Variants in BAZ1A observed in about 807,000 individuals in gnomAD.
The protein encoded by BAZ1A is bromodomain adjacent to zinc finger domain protein 1A.
In BAZ1A, 50 loss-of-function variants were observed where a neutral mutation model predicts 185.2. The ratio of observed to expected loss-of-function variants is 0.27; its 90% CI spans 0.22 to 0.34. The LOEUF (loss-of-function observed/expected upper bound fraction) is 0.34. Ranked by LOEUF, BAZ1A falls within the 10% of genes least tolerant of loss-of-function variation. The probability of loss-of-function intolerance (pLI) is 1.00; values close to 1 mark genes in which losing one functional copy is unlikely to be tolerated. For missense variants in BAZ1A, 1,356 were observed against 1,839.9 expected, an observed-to-expected ratio of 0.74 and a Z score of 4.81; for synonymous variants, 571 against 615.6, an observed-to-expected ratio of 0.93 and a Z score of 1.07.
At chr14:34,754,417 C>CA (rs111245900) in intron 26 of BAZ1A, among the ~76,000 whole-genome samples, 13,909 of 104,552 alleles carry the variant, frequency 0.13, 1,031 homozygotes, top group South Asian at 0.21. Flanking sequence ...AGACGTATCT[C>CA]AAAAAAAAAA....
At chr14:34,825,947 G>C in intron 4 of BAZ1A, 66 bp downstream of exon 4, 4 of 1,303,060 alleles carry the variant, frequency 3.1e-6, no homozygotes, top group Non-Finnish European at 4.1e-6. Context: ...CAAAAAAAAA[G>C]TTATTTCAAT....
chr14:34,765,271 TAAATG>T lies in BAZ1A; in HGVS notation c.3302-8_3302-4del. ...AGAACGCCCACTGTCACTGGCATCT[TAAATG>T]AAAAGGGAAAGTGATTACAATTTTT... On this transcript the variant is annotated splice_polypyrimidine_tract_variant and splice_region_variant and intron_variant, in intron 21 of 26. Coordinates refer to ENST00000360310, the MANE Select transcript of BAZ1A (RefSeq NM_013448.3). 1 of 1,611,048 alleles carries T rather than the reference TAAATG, an allele frequency of 6.2e-7. No individual in the cohort carries two copies. The highest frequency in any genetic ancestry group is 8.5e-7 in the Non-Finnish European group (1 of 1,178,628).
intron 2 of BAZ1A, 76 bp from the exon 3 acceptor site, chr14:34,862,398 A>T (rs1008714718): frequency 5.4e-6 from 8 of 1,492,552 alleles, no homozygotes; most frequent in Non-Finnish European, 7.1e-6. Flanking sequence ...AACTGATAGC[A>T]TTATCAGGTT....
At position 34,787,363 on chromosome 14, in the gene BAZ1A, A is replaced by AGAAAAG. The variant is rs1555339671; in HGVS notation, c.1511-1143_1511-1142insCTTTTC. On this transcript the variant is annotated intron_variant, in intron 12 of 26. Coordinates refer to ENST00000360310, the MANE Select transcript of BAZ1A (RefSeq NM_013448.3). ...CAAGACTCTGTCTCAAAAAAAAAAA[A>AGAAAAG]AAAAAGAAAAGAAAACTTCCCAATC... Among the ~76,000 whole-genome samples, 4 of 112,796 alleles carry AGAAAAG rather than the reference A, an allele frequency of 3.5e-5. 1 individual carries two copies. Among genetic ancestry groups the AGAAAAG allele is most frequent in the Non-Finnish European group, 7.0e-5 (4 of 56,800 alleles). The allele number at this position is 112,796 out of a possible 152,430, so 74.0% of individuals were successfully genotyped here. A position where few individuals can be genotyped will look rare whatever the true frequency, so the allele number is the denominator to read the frequency against.
At chr14:34,779,996 T>C in intron 17 of BAZ1A, 190 bp downstream of exon 17, 1 of 604,094 alleles carries the variant, frequency 1.7e-6, no homozygotes, top group Non-Finnish European at 2.8e-6. Context: ...CAATCATAAA[T>C]GTACTAATAG....
At position 34,762,090 on chromosome 14, in the gene BAZ1A, T is replaced by C. The variant is rs1177402661; in HGVS notation, c.3910A>G (p.Lys1304Glu). ...YPSRSQQSTP[K>E]TTVSSKTGRS... ...CCAGTTTTAGAAGAAACAGTTGTTT[T>C]GGGTGTGCTCTGCTGACTCCTTGAA... Residue 1304 changes from lysine (K) to glutamate (E), a missense_variant, in exon 24 of 27, where the codon AAA becomes GAA. Transcript: ENST00000360310. 5.6e-6 allele frequency: 9 copies of C among 1,614,110 alleles called. No homozygotes were observed. Among genetic ancestry groups the C allele is most frequent in the Non-Finnish European group, 7.6e-6 (9 of 1,180,038 alleles).
chr14:34,788,205 A>T (rs1011449176), intron 12 of BAZ1A, among the ~76,000 whole-genome samples: 1 of 152,098 alleles, frequency 6.6e-6, no homozygotes, highest in Non-Finnish European at 1.5e-5. Flanking sequence ...TTTAGTAGAG[A>T]CAGGGTTTCA....
In BAZ1A at chr14:34,796,282, G is replaced by T. The variant is rs138333515; in HGVS notation, c.1129-517C>A. The stretch of plus-strand genomic sequence containing the variant: ...AGAAGCCTTGAACCCGGGAGGAGAG[G>T]GTTGGGGTGAACTGAGATCACACCA... On this transcript the variant is annotated intron_variant, in intron 9 of 26. Transcript: ENST00000360310. Among the ~76,000 whole-genome samples, 1,077 of 152,142 alleles carry T rather than the reference G, an allele frequency of 7.1e-3. 5 individuals are homozygous for T. The highest frequency in any genetic ancestry group is 0.011 in the Non-Finnish European group (756 of 68,016).
At chr14:34,802,816 A>G (rs750733287) in intron 7 of BAZ1A, 38 bp downstream of exon 7, 13 of 1,582,330 alleles carry the variant, frequency 8.2e-6, no homozygotes, top group Non-Finnish European at 1.0e-5. Context: ...CTGTTTTACT[A>G]ACAGTGAAAA....
Position 34,758,809 on chromosome 14 carries a change from G to C in BAZ1A, c.4281C>G (p.Gly1427=), listed in dbSNP as rs752172611. The C allele has an allele frequency of 3.7e-6, 6 of 1,613,976 alleles. No homozygotes were observed. The Admixed American group carries it at 5.0e-5, about 13-fold the overall frequency. Residue 1427 remains glycine, a synonymous_variant, in exon 25 of 27, where the codon GGC becomes GGG. Coordinates refer to ENST00000360310, the MANE Select transcript of BAZ1A (RefSeq NM_013448.3). The stretch of plus-strand genomic sequence containing the variant: ...ACAATTCATGAACTCCTCCCTGTCG[G>C]CCAGAACTCCTTCGACCCAGTGTCA... ...SPVTLGRRSS[G]RQGGVHELSA... is the part of the protein sequence containing the mutation.
At chr14:34,849,733 A>G (rs2042568136) in intron 3 of BAZ1A, among the ~76,000 whole-genome samples, 1 of 152,166 alleles carries the variant, frequency 6.6e-6, no homozygotes, top group Non-Finnish European at 1.5e-5. Context: ...ACCAAGTTTT[A>G]TACCAACCCG....
At chr14:34,787,351 CA>C (rs918534072) in intron 12 of BAZ1A, among the ~76,000 whole-genome samples, 56 of 41,466 alleles carry the variant, frequency 1.4e-3, no homozygotes, top group East Asian at 7.5e-3. Flanking sequence ...GACTCTGTCT[CA>C]AAAAAAAAAA....
intron 25 of BAZ1A, among the ~76,000 whole-genome samples, chr14:34,757,742 C>CTT (rs1195155525): frequency 7.1e-5 from 9 of 126,310 alleles, no homozygotes; most frequent in African/African-American, 5.4e-5. Context: ...CTATTGTTTT[C>CTT]TTTTTTTTTT....
At chr14:34,857,233 C>G (rs976974189) in intron 3 of BAZ1A, among the ~76,000 whole-genome samples, 4 of 151,990 alleles carry the variant, frequency 2.6e-5, no homozygotes, top group African/African-American at 9.7e-5. Context: ...GTCTCGATCT[C>G]CTGACCTCAT....
Position 34,830,627 on chromosome 14 carries a change from A to C in BAZ1A, c.393-4471T>G, listed in dbSNP as rs1427644684. Among the ~76,000 whole-genome samples, 7 of 152,068 alleles carry C rather than the reference A, an allele frequency of 4.6e-5. 1 individual carries two copies. The highest frequency in any genetic ancestry group is 7.3e-5 in the Non-Finnish European group (5 of 68,034). ...AAATGTTATAAAATTAAAACTGTAC[A>C]TTTTAAATGGGTGAATTTTATGGTA... On this transcript the variant is annotated intron_variant, in intron 3 of 26. Transcript: ENST00000360310.
chr14:34,759,479 G>A lies in BAZ1A; in HGVS notation c.4244-633C>T, dbSNP rs181307708. ...CTCCCAAAATGCTGGGATTACAGGC[G>A]TGAGCCACCACGCCCGGCCTTTTCA... On this transcript the variant is annotated intron_variant, in intron 24 of 26. Transcript: ENST00000360310. 5.6e-3 allele frequency among the ~76,000 whole-genome samples: 849 copies of A among 151,860 alleles called. 3 individuals are homozygous for A. The highest frequency in any genetic ancestry group is 7.9e-3 in the Non-Finnish European group (538 of 67,922).
In BAZ1A at chr14:34,783,132, C is replaced by G; in HGVS notation, c.2098G>C (p.Asp700His). ...KEDEQRNSTA[D>H]ISIGEEERED... ...TTCAAACCATACCCAATAGATATAT[C>G]TGCCGTTGAATTTCTTTGCTCATCT... is the stretch of plus-strand genomic sequence containing the variant. The change falls in exon 16 of 27, where the codon GAT (aspartate) becomes CAT (histidine). Residue 700 changes from aspartate (D) to histidine (H), a missense_variant. Asp to His is a moderately conservative substitution (Grantham distance 81). Coordinates refer to ENST00000360310, the MANE Select transcript of BAZ1A (RefSeq NM_013448.3). 1 of 1,602,914 alleles carries G rather than the reference C, an allele frequency of 6.2e-7. No individual in the cohort carries two copies. The highest frequency in any genetic ancestry group is 8.5e-7 in the Non-Finnish European group (1 of 1,170,878).
chr14:34,821,941 A>G (rs7148938), intron 4 of BAZ1A, among the ~76,000 whole-genome samples: 88,065 of 151,748 alleles, frequency 0.58, 25,785 homozygotes, highest in South Asian at 0.67. Flanking sequence ...CCAAGATCGC[A>G]CCATTGCACT....
At chr14:34,773,058 G>A (rs1031675196) in intron 20 of BAZ1A, among the ~76,000 whole-genome samples, 2 of 151,754 alleles carry the variant, frequency 1.3e-5, no homozygotes, top group African/African-American at 4.8e-5. Context: ...CAAAAACCAA[G>A]TGCATGCCAC....
Sources: gnomAD v4.1 joint callset for allele counts (sites outside exome capture counted in the v4.1 genomes callset) on GRCh38, gnomAD v4.1.1 for gene constraint, MANE v1.5 for transcripts, NCBI Gene and HGNC (gene_info 2026-07-23, HGNC 2026-07-21) for gene names.